The following GPC5 variants were observed in gnomAD, a reference collection of about 807,000 sequenced individuals.
GPC5 encodes glypican-5.
In GPC5, 47 loss-of-function variants were observed where a neutral mutation model predicts 53.9. The ratio of observed to expected loss-of-function variants is 0.87; its 90% CI spans 0.69 to 1.11. GPC5 has a LOEUF of 1.11. GPC5 is among the 50% of genes most tolerant of loss of function. The pLI is 0.00. For missense variants in GPC5, 748 were observed against 713.1 expected, an observed-to-expected ratio of 1.05 and a Z score of -0.56; for synonymous variants, 286 against 263.3, an observed-to-expected ratio of 1.09 and a Z score of -0.84.
At chr13:92,211,064 T>C (rs1455684472) in intron 7 of GPC5, among the ~76,000 whole-genome samples, 3 of 152,202 alleles carry the variant, frequency 2.0e-5, no homozygotes, top group Non-Finnish European at 4.4e-5. Context: ...TCCAGAGTCG[T>C]GTTTACTGCC....
At chr13:91,757,404 T>C (rs2037318529) in intron 5 of GPC5, among the ~76,000 whole-genome samples, 1 of 152,150 alleles carries the variant, frequency 6.6e-6, no homozygotes, top group Non-Finnish European at 1.5e-5. Flanking sequence ...TTCTGACAGA[T>C]ATGGTTTGGC....
intron 5 of GPC5, among the ~76,000 whole-genome samples, chr13:91,841,703 G>A (rs1200768886): frequency 6.6e-6 from 1 of 152,004 alleles, no homozygotes; most frequent in South Asian, 2.1e-4. Context: ...GAAAAAAAAG[G>A]AAGAAAGGAA....
intron 7 of GPC5, among the ~76,000 whole-genome samples, chr13:92,273,974 A>G (rs1395135878): frequency 6.6e-6 from 1 of 152,172 alleles, no homozygotes; most frequent in Non-Finnish European, 1.5e-5. Context: ...CTAACTATAC[A>G]AGAGTATGCT....
At chr13:92,569,739 C>T (rs1882966645) in intron 7 of GPC5, among the ~76,000 whole-genome samples, 1 of 152,118 alleles carries the variant, frequency 6.6e-6, no homozygotes, top group South Asian at 2.1e-4. Flanking sequence ...AATTTCAATG[C>T]CACTGTACAT....
intron 7 of GPC5, among the ~76,000 whole-genome samples, chr13:92,349,868 T>C (rs2043461100): frequency 6.6e-6 from 1 of 152,184 alleles, no homozygotes; most frequent in African/African-American, 2.4e-5. Context: ...GAGGGACTCT[T>C]TCTTTAGCTC....
chr13:92,413,534 T>A (rs1337506033), intron 7 of GPC5, among the ~76,000 whole-genome samples: 1 of 152,192 alleles, frequency 6.6e-6, no homozygotes, highest in East Asian at 1.9e-4. Context: ...TTACTTTCCA[T>A]TTTCGTAAAC....
chr13:92,548,530 T>C (rs1397340486), intron 7 of GPC5, among the ~76,000 whole-genome samples: 1 of 151,966 alleles, frequency 6.6e-6, no homozygotes, highest in Non-Finnish European at 1.5e-5. Context: ...CTGGTGTTTG[T>C]CAAATTTCAC....
intron 7 of GPC5, among the ~76,000 whole-genome samples, chr13:92,633,868 A>G (rs1885335010): frequency 6.6e-6 from 1 of 152,144 alleles, no homozygotes; most frequent in Non-Finnish European, 1.5e-5. Context: ...TCATATAGCC[A>G]TATATATGTT....
intron 7 of GPC5, among the ~76,000 whole-genome samples, chr13:92,847,793 G>T (rs1450959331): frequency 6.6e-6 from 1 of 152,058 alleles, no homozygotes; most frequent in Admixed American, 6.5e-5. Flanking sequence ...TATTCAACGT[G>T]TATCAAGTGC....
At chr13:91,562,527 T>C (rs1035999354) in intron 2 of GPC5, among the ~76,000 whole-genome samples, 1 of 151,962 alleles carries the variant, frequency 6.6e-6, no homozygotes, top group Admixed American at 6.6e-5. Context: ...GCAGTGAGGC[T>C]CACCGCAATC....
intron 2 of GPC5, among the ~76,000 whole-genome samples, chr13:91,495,680 T>C (rs1884212704): frequency 6.6e-6 from 1 of 152,214 alleles, no homozygotes; most frequent in Admixed American, 6.5e-5. Context: ...CTATTCTGTT[T>C]CAAATTGTAT....
At chr13:92,121,441 C>T (rs922747640) in intron 6 of GPC5, among the ~76,000 whole-genome samples, 1 of 152,206 alleles carries the variant, frequency 6.6e-6, no homozygotes, top group East Asian at 1.9e-4. Flanking sequence ...TCTCACCGAG[C>T]CTCTTCTGGA....
rs551922957 is a variant in GPC5, at chr13:92,565,374, T to C, written c.1562-300908T>C. On this transcript the variant is annotated intron_variant, in intron 7 of 7. Coordinates refer to ENST00000377067, the MANE Select transcript of GPC5 (RefSeq NM_004466.6). ...GTTTTATAAGTTCTATCTTTTTAAA[T>C]AAAGGAACTGAATCTAAGTGATTAA... Among the ~76,000 whole-genome samples, 28 of 152,180 alleles carry C rather than the reference T, an allele frequency of 1.8e-4. No homozygotes were observed. In the South Asian group the frequency reaches 2.9e-3, roughly 16 times the overall value.
rs1287277692 is a variant in GPC5, at chr13:92,798,800, C to A, written c.1562-67482C>A. 2.0e-5 allele frequency among the ~76,000 whole-genome samples: 3 copies of A among 151,620 alleles called. No individual in the cohort carries two copies. In the East Asian group the frequency reaches 5.8e-4, roughly 29 times the overall value. ...CAGCATATTAAGCAAACAAAAATAC[C>A]AAACACTCAAAATTGTAAGTCACGT... On this transcript the variant is annotated intron_variant, in intron 7 of 7. Coordinates refer to ENST00000377067, the MANE Select transcript of GPC5 (RefSeq NM_004466.6).
chr13:92,094,960 G>A (rs1365702514), intron 6 of GPC5, among the ~76,000 whole-genome samples: 2 of 151,920 alleles, frequency 1.3e-5, no homozygotes, highest in African/African-American at 4.8e-5. Context: ...ATTTGTAAAT[G>A]TAGTTTTCAA....
At chr13:91,680,051 A>T (rs2035471452) in intron 2 of GPC5, among the ~76,000 whole-genome samples, 1 of 152,218 alleles carries the variant, frequency 6.6e-6, no homozygotes, top group Non-Finnish European at 1.5e-5. Context: ...AAGGAAAACA[A>T]CGTACTGTAT....
intron 6 of GPC5, among the ~76,000 whole-genome samples, chr13:92,090,701 A>G (rs141220646): frequency 2.6e-3 from 396 of 152,316 alleles, no homozygotes; most frequent in Admixed American, 3.7e-3. Context: ...ACTACTTTTA[A>G]AGTCTACGAC....
chr13:91,631,884 C>A (rs2034166413), intron 2 of GPC5, among the ~76,000 whole-genome samples: 2 of 152,002 alleles, frequency 1.3e-5, no homozygotes, highest in African/African-American at 4.8e-5. Context: ...TAGAGAACCA[C>A]CTGGAGAGAT....
At chr13:91,810,142 A>G (rs1161089073) in intron 5 of GPC5, among the ~76,000 whole-genome samples, 1 of 152,022 alleles carries the variant, frequency 6.6e-6, no homozygotes, top group East Asian at 1.9e-4. Flanking sequence ...CAGAGAATTA[A>G]TTAGTGCGAT....
Sources: allele counts gnomAD v4.1 joint callset (sites outside exome capture counted in the v4.1 genomes callset), GRCh38; gene constraint gnomAD v4.1.1; transcripts MANE v1.5; gene names NCBI Gene and HGNC (gene_info 2026-07-23, HGNC 2026-07-21).